KMT2C: variants seen among roughly 807,000 people sequenced by gnomAD.
KMT2C encodes histone-lysine N-methyltransferase 2C.
Under a neutral mutation model 507.9 loss-of-function variants are expected in KMT2C, and 88 were observed. That is an observed-to-expected ratio of 0.17 (90% CI 0.15 to 0.21). The LOEUF is 0.21. Among genes scored for constraint, KMT2C ranks in the 10% least tolerant of loss-of-function variants. KMT2C has a pLI of 1.00. For missense variants in KMT2C, 4,954 were observed against 5,957.8 expected (o/e 0.83, Z 5.55); for synonymous variants, 2,049 against 2,080.8 (o/e 0.98, Z 0.42).
rs572467895 is a variant in KMT2C, at chr7:152,335,756, C to A, written c.251-5017G>T. On this transcript the variant is annotated intron_variant, in intron 2 of 58. Coordinates refer to ENST00000262189, the MANE Select transcript of KMT2C (RefSeq NM_170606.3). The stretch of plus-strand genomic sequence containing the variant: ...TACAGCTAAGGGAAAAGAAGCAGGA[C>A]AATGTCTATCTCTCCCTCAAATAAG... 2.6e-5 allele frequency among the ~76,000 whole-genome samples: 4 copies of A among 152,178 alleles called. No individual in the cohort carries two copies. The South Asian group carries it at 8.3e-4, about 32-fold the overall frequency.
At chr7:152,172,180 G>A (rs2092993492) in intron 39 of KMT2C, among the ~76,000 whole-genome samples, 1 of 152,110 alleles carries the variant, frequency 6.6e-6, no homozygotes, top group South Asian at 2.1e-4. Context: ...CTACAGGTCT[G>A]GTCTAAATGA....
intron 55 of KMT2C, among the ~76,000 whole-genome samples, chr7:152,143,419 ACT>A (rs1174469667): frequency 6.6e-6 from 1 of 152,106 alleles, no homozygotes; most frequent in Non-Finnish European, 1.5e-5. Context: ...GACAGAAATT[ACT>A]CTCTGACATG....
intron 1 of KMT2C, among the ~76,000 whole-genome samples, chr7:152,408,457 T>C (rs907702546): frequency 2.0e-5 from 3 of 152,244 alleles, no homozygotes; most frequent in African/African-American, 7.2e-5. Context: ...CCCCCACCTA[T>C]AGCTGCAGAC....
chr7:152,338,533 C>G (rs1304198607), intron 2 of KMT2C, among the ~76,000 whole-genome samples: 1 of 152,112 alleles, frequency 6.6e-6, no homozygotes. Flanking sequence ...AGAAGCCCAG[C>G]TAAAACTAAA....
chr7:152,387,590 C>T (rs2097442780), intron 1 of KMT2C, among the ~76,000 whole-genome samples: 2 of 152,026 alleles, frequency 1.3e-5, no homozygotes, highest in Admixed American at 1.3e-4. Flanking sequence ...CCTGCCTCAG[C>T]CTCCCAAGTA....
chr7:152,209,642 G>T (rs1480928045), intron 23 of KMT2C, among the ~76,000 whole-genome samples: 1 of 151,570 alleles, frequency 6.6e-6, no homozygotes, highest in Non-Finnish European at 1.5e-5. Flanking sequence ...GGCTGAGGTG[G>T]GAGAAGAGAA....
intron 6 of KMT2C, among the ~76,000 whole-genome samples, chr7:152,308,673 CAA>C (rs938826373): frequency 0.02 from 484 of 24,486 alleles, 2 homozygotes; most frequent in Non-Finnish European, 0.028. Flanking sequence ...AAACTCCTCT[CAA>C]AAAAAAAAAA....
At chr7:152,422,944 G>A (rs941992098) in intron 1 of KMT2C, among the ~76,000 whole-genome samples, 11 of 151,260 alleles carry the variant, frequency 7.3e-5, no homozygotes, top group Non-Finnish European at 2.9e-5. Context: ...ATGAACCCGG[G>A]AGGCGGAGCT....
At chr7:152,191,247 T>A (rs888100627) in intron 31 of KMT2C, among the ~76,000 whole-genome samples, 2 of 152,214 alleles carry the variant, frequency 1.3e-5, no homozygotes, top group African/African-American at 4.8e-5. Context: ...AGTGTATATG[T>A]CCCATTTCTA....
Position 152,251,984 on chromosome 7 carries a change from G to A in KMT2C, c.1576C>T (p.Arg526Cys), listed in dbSNP as rs776295921. Reference sequence around the variant, plus strand: ...TCCACTTCCTCACCTGGCTGTAAACGATCCATCTCAGCTCCCAGGTGTTTA... The same window carrying A: ...TCCACTTCCTCACCTGGCTGTAAACAATCCATCTCAGCTCCCAGGTGTTTA... Reference protein sequence around the residue: ...YCKHLGAEMDRLQPGEEVEIA... With the variant: ...YCKHLGAEMDCLQPGEEVEIA... The change falls in exon 11 of 59, where the codon CGT (arginine) becomes TGT (cysteine). Residue 526 changes from arginine to cysteine, a missense_variant. Arg to Cys is a radical substitution (Grantham distance 180). Coordinates refer to ENST00000262189, the MANE Select transcript of KMT2C (RefSeq NM_170606.3). 9.9e-6 allele frequency: 16 copies of A among 1,612,356 alleles called. No homozygotes were observed. The Admixed American group carries it at 1.2e-4, about 12-fold the overall frequency.
Position 152,138,941 on chromosome 7 carries a change from C to T in KMT2C, c.14535-37G>A, listed in dbSNP as rs1356074521. ...CATGTCAGAAAACTGTATTGTAAAACAGCTAGAAGCAGCTTTAAAAACTTC... is the reference window on the plus strand; with the variant it reads ...CATGTCAGAAAACTGTATTGTAAAATAGCTAGAAGCAGCTTTAAAAACTTC... On this transcript the variant is annotated intron_variant, in intron 57 of 58. Transcript: ENST00000262189. The surrounding 1 kb of genome is among the most constrained non-coding windows in gnomAD (Gnocchi z 4.2). 2 of 1,459,350 alleles carry T rather than the reference C, an allele frequency of 1.4e-6. No homozygotes were observed. Among genetic ancestry groups the T allele is most frequent in the East Asian group, 4.5e-5 (2 of 44,198 alleles). The allele number at this position is 1,459,350 out of a possible 1,614,324, so 90.4% of individuals were successfully genotyped here.
chr7:152,434,202 C>T (rs2097893297), intron 1 of KMT2C, among the ~76,000 whole-genome samples: 3 of 152,124 alleles, frequency 2.0e-5, no homozygotes, highest in South Asian at 4.1e-4. Context: ...ACGCAAGTGG[C>T]ATAATAAATA....
In KMT2C at chr7:152,181,999, G is replaced by C. The variant is rs563948892; in HGVS notation, c.5861C>G (p.Ser1954Cys). 5.6e-5 allele frequency: 90 copies of C among 1,614,060 alleles called. 1 individual carries two copies. The East Asian group carries it at 1.0e-3, about 19-fold the overall frequency. ...NRPSPVRDLCSSSTTNNDPYA... is the reference protein window; with the variant it reads ...NRPSPVRDLCCSSTTNNDPYA... ...GGGGTCATTATTTGTCGTGGAAGAA[G>C]AACATAAATCTCTGACAGGGGATGG... The change falls in exon 36 of 59, where the codon TCT becomes TGT. Residue 1954 changes from serine to cysteine, a missense_variant. Physicochemically the swap from Ser to Cys is moderately radical, Grantham distance 112 (BLOSUM62 -1). This residue lies in a region of KMT2C where 1,689 missense variants were observed against 1,654.3 expected (regional missense o/e 1.02). Transcript: ENST00000262189.
intron 1 of KMT2C, among the ~76,000 whole-genome samples, chr7:152,418,919 T>A (rs180695571): frequency 6.7e-6 from 1 of 149,742 alleles, no homozygotes; most frequent in Non-Finnish European, 1.5e-5. Flanking sequence ...TCAGGCTGGG[T>A]GTGGTAGCTG....
chr7:152,204,986 A>C, intron 25 of KMT2C, 120 bp downstream of exon 25: 1 of 612,074 alleles, frequency 1.6e-6, no homozygotes, highest in South Asian at 2.3e-5. Context: ...TTGAGTAACA[A>C]TAAGAGGCAA....
intron 16 of KMT2C, among the ~76,000 whole-genome samples, chr7:152,233,935 G>A (rs938529326): frequency 1.3e-5 from 2 of 152,186 alleles, no homozygotes; most frequent in African/African-American, 4.8e-5. Context: ...AGGAGTTCGA[G>A]ACCAGCCTGG....
chr7:152,200,286 C>A (rs147453008), intron 26 of KMT2C, among the ~76,000 whole-genome samples: 3 of 152,268 alleles, frequency 2.0e-5, no homozygotes, highest in African/African-American at 7.2e-5. Flanking sequence ...GCCTTAATGT[C>A]TATCAACAGG....
intron 6 of KMT2C, among the ~76,000 whole-genome samples, chr7:152,274,527 C>G (rs1166153171): frequency 6.6e-6 from 1 of 152,200 alleles, no homozygotes; most frequent in African/African-American, 2.4e-5. Flanking sequence ...AAGCCCCAAA[C>G]AAGAGGGGCA....
intron 6 of KMT2C, among the ~76,000 whole-genome samples, chr7:152,307,486 G>A (rs1016686712): frequency 1.8e-4 from 28 of 152,112 alleles, no homozygotes; most frequent in African/African-American, 6.3e-4. Context: ...CAATCTAGTG[G>A]AGAGGTAAAG....
Sources: allele counts gnomAD v4.1 joint callset (sites outside exome capture counted in the v4.1 genomes callset), GRCh38; gene constraint gnomAD v4.1.1; regional missense constraint gnomAD v4.1.1; non-coding constraint Gnocchi (gnomAD v3.1); transcripts MANE v1.5; gene names NCBI Gene and HGNC (gene_info 2026-07-23, HGNC 2026-07-21).